Variants in NEDD4L observed in about 807,000 individuals in gnomAD.
NEDD4L encodes the protein NEDD4 like E3 ubiquitin protein ligase, also known as E3 ubiquitin-protein ligase NEDD4-like.
NEDD4L carries 54 observed loss-of-function variants against 148.9 expected under a neutral mutation model. The ratio of observed to expected loss-of-function variants is 0.36; its 90% CI spans 0.29 to 0.45. The LOEUF is 0.45. NEDD4L is among the 20% of genes least tolerant of loss of function. The probability of loss-of-function intolerance (pLI) is 1.00; values close to 1 mark genes in which losing one functional copy is unlikely to be tolerated. For synonymous variants in NEDD4L, 433 were observed against 440.7 expected, an observed-to-expected ratio of 0.98 and a Z score of 0.22; for missense variants, 856 against 1,233.8, an observed-to-expected ratio of 0.69 and a Z score of 4.59.
At chr18:58,143,272 A>C (rs192563470) in intron 1 of NEDD4L, among the ~76,000 whole-genome samples, 2 of 152,302 alleles carry the variant, frequency 1.3e-5, no homozygotes, top group East Asian at 3.9e-4. Context: ...CACACAGCTG[A>C]TAAGTAACCC....
chr18:58,300,850 A>C (rs1468619516), intron 5 of NEDD4L, among the ~76,000 whole-genome samples: 1 of 152,228 alleles, frequency 6.6e-6, no homozygotes, highest in Non-Finnish European at 1.5e-5. Context: ...CTAAATTGGA[A>C]GTATGTGCAT....
chr18:58,174,575 A>G (rs914350765), intron 2 of NEDD4L, among the ~76,000 whole-genome samples: 3 of 152,162 alleles, frequency 2.0e-5, no homozygotes, highest in African/African-American at 7.2e-5. Context: ...GGCATCATCA[A>G]TGAATGAACA....
rs1487616465 is a variant in NEDD4L at position 58,343,118 on chromosome 18, T to C, written c.1575+15T>C. 6.4e-7 allele frequency: 1 copy of C among 1,560,538 alleles called. No individual in the cohort carries two copies. Among genetic ancestry groups the C allele is most frequent in the Non-Finnish European group, 8.7e-7 (1 of 1,152,828 alleles). ...CTACAACCTGGGTAAGGCTGCTGCT[T>C]TTATTTGGCTCCATTTTCATCATGA... On this transcript the variant is annotated intron_variant, in intron 16 of 30. Transcript: ENST00000400345.
At chr18:58,198,490 A>G (rs745349504) in intron 2 of NEDD4L, among the ~76,000 whole-genome samples, 19 of 152,190 alleles carry the variant, frequency 1.2e-4, no homozygotes, top group Admixed American at 3.9e-4. Context: ...TGCTGGTGGC[A>G]AAAGGATCCC....
At chr18:58,375,739 A>T (rs904299575) in intron 24 of NEDD4L, among the ~76,000 whole-genome samples, 1 of 152,168 alleles carries the variant, frequency 6.6e-6, no homozygotes, top group Non-Finnish European at 1.5e-5. Flanking sequence ...CTCAGCATGT[A>T]GTTGATGCCT....
At chr18:58,050,832 G>T (rs2081836311) in intron 1 of NEDD4L, among the ~76,000 whole-genome samples, 2 of 152,276 alleles carry the variant, frequency 1.3e-5, no homozygotes, top group East Asian at 1.9e-4. Context: ...ATCCTCAGAT[G>T]ACTGTAGTTT....
intron 2 of NEDD4L, among the ~76,000 whole-genome samples, chr18:58,194,819 A>G (rs1288719106): frequency 1.3e-5 from 2 of 152,256 alleles, no homozygotes; most frequent in Admixed American, 6.5e-5. Context: ...TAATACTTTT[A>G]GAGCCACGGG....
At chr18:58,052,414 A>T (rs2144519991) in intron 1 of NEDD4L, among the ~76,000 whole-genome samples, 1 of 152,296 alleles carries the variant, frequency 6.6e-6, no homozygotes, top group South Asian at 2.1e-4. Context: ...ATATAAGTGT[A>T]TCTGGGGTAA....
intron 2 of NEDD4L, 138 bp downstream of exon 2, chr18:58,165,999 TA>T: frequency 4.3e-6 from 3 of 694,466 alleles, no homozygotes; most frequent in South Asian, 1.9e-5. Flanking sequence ...GATTCTGATT[TA>T]GGAAGTGATG....
Position 58,256,174 on chromosome 18 carries a change from C to G in NEDD4L, c.297+4120C>G. The G allele has an allele frequency of 8.2e-7, 1 of 1,217,406 alleles. No homozygotes were observed. The highest frequency in any genetic ancestry group is 1.0e-6 in the Non-Finnish European group (1 of 978,974). 75.4% of individuals were successfully genotyped at this position (1,217,406 alleles called of 1,614,324 possible). ...GCGGCCGCCGCGTGCGGTGCTCCGG[C>G]CCCGTGGACTGCGCGGAGGAGGCTG... On this transcript the variant is annotated intron_variant, in intron 5 of 30. Transcript: ENST00000400345. This position sits in a 1 kb window ranked among gnomAD's most constrained non-coding sequence, Gnocchi z 5.2.
intron 2 of NEDD4L, among the ~76,000 whole-genome samples, chr18:58,233,403 G>A (rs922262446): frequency 7.9e-5 from 12 of 152,112 alleles, no homozygotes; most frequent in Middle Eastern, 3.2e-3. Context: ...CTTACATGGC[G>A]GCAGACAAGA....
chr18:58,300,978 A>C (rs2056386163), intron 5 of NEDD4L, among the ~76,000 whole-genome samples: 1 of 152,208 alleles, frequency 6.6e-6, no homozygotes, highest in African/African-American at 2.4e-5. Flanking sequence ...AAGCTCTGAG[A>C]ATTGTACATG....
At chr18:58,065,445 C>G (rs1447817243) in intron 1 of NEDD4L, among the ~76,000 whole-genome samples, 12 of 152,230 alleles carry the variant, frequency 7.9e-5, no homozygotes, top group Admixed American at 7.9e-4. Flanking sequence ...GCATTACTTT[C>G]CTGTCTAGCT....
At chr18:58,198,092 A>C (rs1220109600) in intron 2 of NEDD4L, among the ~76,000 whole-genome samples, 4 of 152,176 alleles carry the variant, frequency 2.6e-5, no homozygotes, top group Non-Finnish European at 5.9e-5. Flanking sequence ...TAACTGTAGG[A>C]TAGGTAAAGT....
In NEDD4L at chr18:58,380,495, T is replaced by C. The variant is rs528003656; in HGVS notation, c.2353-2751T>C. ...CACCACTCCCAGCTAATTTTTGTAT[T>C]TTTAGTAGAGATGGGTTTTACCATG... On this transcript the variant is annotated intron_variant, in intron 24 of 30. Transcript: ENST00000400345. 2.0e-4 allele frequency among the ~76,000 whole-genome samples: 31 copies of C among 152,140 alleles called. No homozygotes were observed. The East Asian group carries it at 6.0e-3, about 29-fold the overall frequency.
chr18:58,345,923 G>GTTTTT (rs72089117), intron 16 of NEDD4L, among the ~76,000 whole-genome samples: 9 of 135,988 alleles, frequency 6.6e-5, no homozygotes, highest in Non-Finnish European at 1.4e-4. Flanking sequence ...GTTGTTTTTT[G>GTTTTT]TTTTTTGTTT....
intron 5 of NEDD4L, among the ~76,000 whole-genome samples, chr18:58,315,667 A>C (rs1394198892): frequency 6.6e-6 from 1 of 152,152 alleles, no homozygotes; most frequent in African/African-American, 2.4e-5. Context: ...CTTCTCTTTC[A>C]GCTGGGCCCA....
chr18:58,377,774 C>T (rs911150389), intron 24 of NEDD4L, among the ~76,000 whole-genome samples: 1 of 138,838 alleles, frequency 7.2e-6, no homozygotes. Flanking sequence ...GACAGAGTCT[C>T]GCTCTGTCAC....
intron 5 of NEDD4L, among the ~76,000 whole-genome samples, chr18:58,310,617 G>A (rs2057575446): frequency 6.6e-6 from 1 of 152,206 alleles, no homozygotes; most frequent in African/African-American, 2.4e-5. Flanking sequence ...GCCCAGCGTG[G>A]GTGGAACCGC....
Sources: allele counts gnomAD v4.1 joint callset (sites outside exome capture counted in the v4.1 genomes callset), GRCh38; gene constraint gnomAD v4.1.1; non-coding constraint Gnocchi (gnomAD v3.1); transcripts MANE v1.5; gene names NCBI Gene and HGNC (gene_info 2026-07-23, HGNC 2026-07-21).